Variants in WNT10A observed in about 807,000 individuals in gnomAD.
WNT10A encodes the protein Wnt family member 10A.
A neutral mutation model predicts 36.1 loss-of-function variants in WNT10A; 37 were observed. The ratio of observed to expected loss-of-function variants is 1.02; its 90% CI spans 0.79 to 1.35. WNT10A has a LOEUF of 1.35. Among genes scored for constraint, WNT10A ranks in the 40% most tolerant of loss-of-function variants. WNT10A has a pLI of 0.00. For missense variants in WNT10A, 613 were observed against 601.4 expected, an observed-to-expected ratio of 1.02 and a Z score of -0.20; for synonymous variants, 255 against 254.1, an observed-to-expected ratio of 1.00 and a Z score of -0.03.
intron 3 of WNT10A, among the ~76,000 whole-genome samples, 196 bp from the exon 4 acceptor site, chr2:218,892,578 G>A (rs959629373): frequency 6.6e-6 from 1 of 152,150 alleles, no homozygotes; most frequent in African/African-American, 2.4e-5. Context: ...GTGGGAGGTG[G>A]GTGGGAGAGG....
In WNT10A at chr2:218,881,566, GTGTT is replaced by G. The variant is rs756735868; in HGVS notation, c.113+460_113+463del. On this transcript the variant is annotated intron_variant, in intron 1 of 3. Transcript: ENST00000258411. ...TGTGTGTGTGTGTGTGTGTGTGTGT[GTGTT>G]TTCAATCGAGCCCAGGATCCCAGCA... Among the ~76,000 whole-genome samples, 584 of 152,158 alleles carry G rather than the reference GTGTT, an allele frequency of 3.8e-3. 12 individuals are homozygous for G. The highest frequency in any genetic ancestry group is 0.034 in the Admixed American group (522 of 15,292).
At chr2:218,875,162 T>TC in the WNT10A span, among the ~76,000 whole-genome samples, 1 of 25,728 alleles carries the variant, frequency 3.9e-5, no homozygotes, top group South Asian at 1.7e-3. Flanking sequence ...TGACTTTCTT[T>TC]TTTTTTTTTT....
chr2:218,892,343 A>T (rs1944662525), intron 3 of WNT10A, among the ~76,000 whole-genome samples: 1 of 148,572 alleles, frequency 6.7e-6, no homozygotes, highest in Admixed American at 6.7e-5. Flanking sequence ...ACACACACAC[A>T]CACACACACA....
chr2:218,886,958 G>A (rs773376531), intron 2 of WNT10A, among the ~76,000 whole-genome samples: 1 of 152,134 alleles, frequency 6.6e-6, no homozygotes. Flanking sequence ...CCGCGGTGGG[G>A]TACGTTTCTC....
At chr2:218,880,800 CCCG>C, upstream of WNT10A, 1 of 517,656 alleles carries the variant, frequency 1.9e-6, no homozygotes. This position sits in a 1 kb window ranked among gnomAD's most constrained non-coding sequence, Gnocchi z 7.7. Flanking sequence ...CCCCGCCCCC[CCCG>C]AGGGCGGTGC....
rs1064796619 is a variant in WNT10A, at chr2:218,882,289, T to C, written c.242T>C (p.Val81Ala). The change falls in exon 2 of 4, where the codon GTG (valine) becomes GCG (alanine). Residue 81 changes from valine (V) to alanine (A), a missense_variant. Physicochemically the swap from Val to Ala is moderately conservative, Grantham distance 64. Coordinates refer to ENST00000258411, the MANE Select transcript of WNT10A (RefSeq NM_025216.3). ...QMEVCVRHPD[V>A]AASAIQGIQI... ...GAGGTGTGTGTGCGTCACCCTGATG[T>C]GGCTGCCTCAGCCATACAGGGCATC... 3.7e-6 allele frequency: 6 copies of C among 1,614,048 alleles called. No homozygotes were observed. In the Admixed American group the frequency reaches 5.0e-5, roughly 13 times the overall value.
rs1944631576 is a variant in WNT10A, at chr2:218,890,147, T to G, written c.540T>G (p.Asp180Glu). Residue 180 changes from aspartate (D) to glutamate (E), a missense_variant, in exon 3 of 4, where the codon GAT becomes GAG. Coordinates refer to ENST00000258411, the MANE Select transcript of WNT10A (RefSeq NM_025216.3). ...GGAAGCTGCACCGCTTACAACTGGA[T>G]GCACTGCAGCGTGGTAAGGGCCTGA... ...FRRKLHRLQL[D>E]ALQRGKGLSH... 2 of 1,614,038 alleles carry G rather than the reference T, an allele frequency of 1.2e-6. No individual in the cohort carries two copies. The highest frequency in any genetic ancestry group is 1.7e-5 in the Admixed American group (1 of 60,002).
chr2:218,879,222 G>A (rs112240218), upstream of WNT10A, among the ~76,000 whole-genome samples: 9 of 152,144 alleles, frequency 5.9e-5, no homozygotes. Context: ...ACAGTCTGGG[G>A]ACAAGGAGGG....
At position 218,882,524 on chromosome 2, in the gene WNT10A, T is replaced by C. The variant is rs1944531187; in HGVS notation, c.376+101T>C. ...AACCCACTGCCTCAAGCTGGCATCCTCCCATCCCCACACACCCATCTGTTG... is the reference window on the plus strand; with the variant it reads ...AACCCACTGCCTCAAGCTGGCATCCCCCCATCCCCACACACCCATCTGTTG... On this transcript the variant is annotated intron_variant, in intron 2 of 3. Transcript: ENST00000258411. The C allele has an allele frequency of 2.1e-6, 3 of 1,462,316 alleles. No individual in the cohort carries two copies. The Admixed American group carries it at 5.6e-5, about 27-fold the overall frequency. The allele number at this position is 1,462,316 out of a possible 1,614,324, so 90.6% of individuals were successfully genotyped here. A position where few individuals can be genotyped will look rare whatever the true frequency, so the allele number is the denominator to read the frequency against.
At position 218,890,359 on chromosome 2, in the gene WNT10A, G is replaced by T. The variant is rs1944637084; in HGVS notation, c.752G>T (p.Arg251Met). ...RMRLHNNRVG[R>M]QAVMENMRRK... ...AGGCTTCACAACAACCGAGTTGGGAGGCAGGTGAGAGCCCCACCCCTGGGT... is the reference window on the plus strand; with the variant it reads ...AGGCTTCACAACAACCGAGTTGGGATGCAGGTGAGAGCCCCACCCCTGGGT... The change falls in exon 3 of 4, where the codon AGG (arginine) becomes ATG (methionine). Residue 251 changes from arginine (R) to methionine (M), a missense_variant. Transcript: ENST00000258411. 1 of 1,599,778 alleles carries T rather than the reference G, an allele frequency of 6.3e-7. No homozygotes were observed. Among genetic ancestry groups the T allele is most frequent in the Non-Finnish European group, 8.5e-7 (1 of 1,179,940 alleles).
At chr2:218,887,454 C>A (rs1367546348) in intron 2 of WNT10A, among the ~76,000 whole-genome samples, 1 of 152,198 alleles carries the variant, frequency 6.6e-6, no homozygotes, top group Admixed American at 6.5e-5. Flanking sequence ...CATCCTCCTT[C>A]CCCTTAGGTT....
intron 2 of WNT10A, among the ~76,000 whole-genome samples, chr2:218,888,279 A>G (rs1365005590): frequency 6.6e-6 from 1 of 152,232 alleles, no homozygotes; most frequent in Non-Finnish European, 1.5e-5. Flanking sequence ...TAAGCAAAAG[A>G]TAGCTTGCAT....
At chr2:218,888,431 C>T (rs958475727) in intron 2 of WNT10A, among the ~76,000 whole-genome samples, 1 of 152,222 alleles carries the variant, frequency 6.6e-6, no homozygotes, top group Non-Finnish European at 1.5e-5. Context: ...GCCGCGGCCC[C>T]CAAGAGTGGC....
chr2:218,883,633 G>A (rs1944544096), intron 2 of WNT10A, among the ~76,000 whole-genome samples: 1 of 151,144 alleles, frequency 6.6e-6, no homozygotes, highest in South Asian at 2.1e-4. Flanking sequence ...GCGTGTGGCG[G>A]CATGCAGCCG....
At chr2:218,888,747 A>G (rs1371387226) in intron 2 of WNT10A, among the ~76,000 whole-genome samples, 2 of 152,224 alleles carry the variant, frequency 1.3e-5, no homozygotes, top group African/African-American at 4.8e-5. Context: ...TGTGCCTAAG[A>G]TGGGCACGCA....
intron 3 of WNT10A, among the ~76,000 whole-genome samples, chr2:218,892,325 A>G (rs1354247995): frequency 1.3e-5 from 2 of 149,426 alleles, no homozygotes; most frequent in Admixed American, 6.6e-5. Flanking sequence ...ACACACACAC[A>G]CACACACACA....
At chr2:218,883,644 C>T (rs896536327) in intron 2 of WNT10A, among the ~76,000 whole-genome samples, 1 of 151,562 alleles carries the variant, frequency 6.6e-6, no homozygotes, top group African/African-American at 2.4e-5. Flanking sequence ...CATGCAGCCG[C>T]GAACTAATCC....
At chr2:218,892,413 C>CCCAGGGGTG (rs1944663913) in intron 3 of WNT10A, among the ~76,000 whole-genome samples, 1 of 151,590 alleles carries the variant, frequency 6.6e-6, no homozygotes, top group Non-Finnish European at 1.5e-5. Context: ...TGGCCCCTAC[C>CCCAGGGGTG]CCAGGGGTGG....
At chr2:218,879,883 C>G (rs79447856), upstream of WNT10A, among the ~76,000 whole-genome samples, 2 of 152,224 alleles carry the variant, frequency 1.3e-5, no homozygotes, top group Admixed American at 6.5e-5. Context: ...AACGCCTCCT[C>G]CCAGGACGTG....
Sources: gnomAD v4.1 joint callset for allele counts (sites outside exome capture counted in the v4.1 genomes callset) on GRCh38, gnomAD v4.1.1 for gene constraint, Gnocchi (gnomAD v3.1) non-coding constraint, MANE v1.5 for transcripts, NCBI Gene and HGNC (gene_info 2026-07-23, HGNC 2026-07-21) for gene names.